Variants in P2RX7 observed in about 807,000 individuals in gnomAD.
P2RX7 encodes P2X purinoceptor 7.
Under a neutral mutation model 71.6 loss-of-function variants are expected in P2RX7, and 62 were observed. The ratio of observed to expected loss-of-function variants is 0.87; its 90% CI spans 0.71 to 1.07. The LOEUF (loss-of-function observed/expected upper bound fraction) is 1.07. P2RX7 is among the 50% of genes least tolerant of loss of function. The probability of loss-of-function intolerance (pLI) is 0.00; values close to 1 mark genes in which losing one functional copy is unlikely to be tolerated. For synonymous variants in P2RX7, 299 were observed against 283.3 expected (o/e 1.06, Z -0.56); for missense variants, 686 against 748.5 (o/e 0.92, Z 0.97).
intron 8 of P2RX7, among the ~76,000 whole-genome samples, 200 bp from the exon 9 acceptor site, chr12:121,175,188 G>A (rs1343395838): frequency 6.7e-6 from 1 of 148,732 alleles, no homozygotes; most frequent in African/African-American, 2.6e-5. Context: ...GTGCATGCCT[G>A]TAGTCCCAGC....
intron 8 of P2RX7, among the ~76,000 whole-genome samples, chr12:121,173,612 T>G (rs954421351): frequency 6.6e-6 from 1 of 152,152 alleles, no homozygotes; most frequent in Non-Finnish European, 1.5e-5. Flanking sequence ...AGAGGCAGAA[T>G]AAAGGGTAAA....
chr12:121,148,152 C>T (rs567553990), intron 1 of P2RX7, among the ~76,000 whole-genome samples: 1 of 151,958 alleles, frequency 6.6e-6, no homozygotes, highest in South Asian at 2.1e-4. Context: ...AGAAGACACT[C>T]CCATTGCCTA....
At position 121,162,421 on chromosome 12, in the gene P2RX7, T is replaced by C. The variant is rs199664688; in HGVS notation, c.437-3T>C. The stretch of plus-strand genomic sequence containing the variant: ...TGGTTCTACGATGCTTTGACCCCTA[T>C]AGGAATTCAGACCGGAAGGTGTGTA... On this transcript the variant is annotated splice_region_variant and splice_polypyrimidine_tract_variant and intron_variant, in intron 4 of 12. Coordinates refer to ENST00000328963, the MANE Select transcript of P2RX7 (RefSeq NM_002562.6). 11 of 1,613,688 alleles carry C rather than the reference T, an allele frequency of 6.8e-6. No individual in the cohort carries two copies. Among genetic ancestry groups the C allele is most frequent in the East Asian group, 4.5e-5 (2 of 44,888 alleles).
intron 8 of P2RX7, among the ~76,000 whole-genome samples, chr12:121,168,953 C>A (rs1881652576): frequency 6.6e-6 from 1 of 151,978 alleles, no homozygotes. Context: ...TTAAAAATAT[C>A]TATAGTTATA....
At chr12:121,161,655 G>T (rs751840252) in intron 4 of P2RX7, among the ~76,000 whole-genome samples, 3 of 151,814 alleles carry the variant, frequency 2.0e-5, no homozygotes, top group Non-Finnish European at 4.4e-5. Flanking sequence ...AGCCAGACAT[G>T]GTGGCACACG....
intron 9 of P2RX7, among the ~76,000 whole-genome samples, chr12:121,176,481 G>A (rs61953400): frequency 0.012 from 1,894 of 152,244 alleles, 24 homozygotes; most frequent in Non-Finnish European, 0.02. Flanking sequence ...GGCCGGGCAC[G>A]GTGGCTCATG....
intron 4 of P2RX7, chr12:121,162,184 G>C: frequency 7.9e-7 from 1 of 1,261,392 alleles, no homozygotes; most frequent in African/African-American, 1.5e-5. Flanking sequence ...AAACAAAAGA[G>C]CCAGCAGAAT....
intron 1 of P2RX7, among the ~76,000 whole-genome samples, chr12:121,138,548 G>A (rs1874191042): frequency 2.0e-5 from 3 of 152,364 alleles, no homozygotes; most frequent in Admixed American, 1.3e-4. Flanking sequence ...TGAGCCCTAC[G>A]TGAACCACAT....
chr12:121,141,918 A>G (rs593223), intron 1 of P2RX7, among the ~76,000 whole-genome samples: 22,900 of 152,136 alleles, frequency 0.15, 2,890 homozygotes, highest in African/African-American at 0.35. Flanking sequence ...AGGACACAAC[A>G]GGAGACCCAA....
rs1378663558 is a variant in P2RX7, at chr12:121,133,108, T to G, written c.125+13T>G. 1 of 1,614,066 alleles carries G rather than the reference T, an allele frequency of 6.2e-7. No individual in the cohort carries two copies. Among genetic ancestry groups the G allele is most frequent in the Non-Finnish European group, 8.5e-7 (1 of 1,179,944 alleles). On this transcript the variant is annotated intron_variant, in intron 1 of 12. Coordinates refer to ENST00000328963, the MANE Select transcript of P2RX7 (RefSeq NM_002562.6). Reference sequence around the variant, plus strand: ...TTTCCTACGTTTGGTAAGTGGGATCTGGGGAGGACCCAGATCTCTGCAGTG... The same window carrying G: ...TTTCCTACGTTTGGTAAGTGGGATCGGGGGAGGACCCAGATCTCTGCAGTG...
chr12:121,162,152 A>T, intron 4 of P2RX7: 1 of 1,025,496 alleles, frequency 9.8e-7, no homozygotes, highest in Non-Finnish European at 1.3e-6. Context: ...CGCTCCCCTC[A>T]TGGGCACCTT....
chr12:121,184,221 G>A (rs28360458), intron 12 of P2RX7, 84 bp from the exon 13 acceptor site: 134,446 of 1,442,562 alleles, frequency 0.093, 7,128 homozygotes, highest in Non-Finnish European at 0.11. Flanking sequence ...AATATTAAAC[G>A]TAACTTTATA....
chr12:121,139,671 C>T (rs1311048573), intron 1 of P2RX7, among the ~76,000 whole-genome samples: 2 of 152,016 alleles, frequency 1.3e-5, no homozygotes, highest in African/African-American at 4.8e-5. Flanking sequence ...CGGGGAGGCC[C>T]CAGACGCCAG....
chr12:121,180,005 T>C (rs1363130201), intron 11 of P2RX7, among the ~76,000 whole-genome samples: 1 of 151,848 alleles, frequency 6.6e-6, no homozygotes, highest in Non-Finnish European at 1.5e-5. Context: ...CAAAATTAGC[T>C]GGGCATGATG....
Position 121,177,349 on chromosome 12 carries a change from G to A in P2RX7, c.1091G>A (p.Arg364His), listed in dbSNP as rs200088396. Residue 364 changes from arginine to histidine, a missense_variant, in exon 11 of 13, where the codon CGC becomes CAC. Arg to His is a conservative substitution (Grantham distance 29). Transcript: ENST00000328963. Reference sequence around the variant, plus strand: ...GACACTTACTCCAGTAACTGCTGTCGCTCCCATATTTATCCCTGGTGCAAG... The same window carrying A: ...GACACTTACTCCAGTAACTGCTGTCACTCCCATATTTATCCCTGGTGCAAG... ...LIDTYSSNCCRSHIYPWCKCC... is the reference protein window; with the variant it reads ...LIDTYSSNCCHSHIYPWCKCC... 44 of 1,613,772 alleles carry A rather than the reference G, an allele frequency of 2.7e-5. No individual in the cohort carries two copies. In the African/African-American group the frequency reaches 2.9e-4, roughly 11 times the overall value.
intron 12 of P2RX7, among the ~76,000 whole-genome samples, chr12:121,182,242 C>T (rs973590527): frequency 6.6e-6 from 1 of 152,072 alleles, no homozygotes; most frequent in African/African-American, 2.4e-5. Flanking sequence ...GAATTCCATT[C>T]ACTAATATTT....
At position 121,161,063 on chromosome 12, in the gene P2RX7, T is replaced by C. The variant is rs1027589442; in HGVS notation, c.436+89T>C. 3 of 981,262 alleles carry C rather than the reference T, an allele frequency of 3.1e-6. No individual in the cohort carries two copies. In the Admixed American group the frequency reaches 5.1e-5, roughly 17 times the overall value. The allele number at this position is 981,262 out of a possible 1,614,324, so 60.8% of individuals were successfully genotyped here. A position where few individuals can be genotyped will look rare whatever the true frequency, so the allele number is the denominator to read the frequency against. ...TGATGCCCAGGTCAGGTCTTCAGCC[T>C]CTGCTCTCAGCTGCCCTCTTCCACC... is the stretch of plus-strand genomic sequence containing the variant. On this transcript the variant is annotated intron_variant, in intron 4 of 12. Transcript: ENST00000328963.
intron 1 of P2RX7, among the ~76,000 whole-genome samples, chr12:121,137,150 C>T (rs769763139): frequency 6.6e-6 from 1 of 152,184 alleles, no homozygotes; most frequent in Non-Finnish European, 1.5e-5. Flanking sequence ...GATTCAGCAA[C>T]CGGGTTCGCT....
chr12:121,183,163 C>G (rs1173484691), intron 12 of P2RX7, among the ~76,000 whole-genome samples: 1 of 143,912 alleles, frequency 6.9e-6, no homozygotes, highest in Non-Finnish European at 1.5e-5. Flanking sequence ...GGCGACAGAG[C>G]AAGACTCCAT....
Sources: gnomAD v4.1 joint callset for allele counts (sites outside exome capture counted in the v4.1 genomes callset) on GRCh38, gnomAD v4.1.1 for gene constraint, MANE v1.5 for transcripts, NCBI Gene and HGNC (gene_info 2026-07-23, HGNC 2026-07-21) for gene names.